The following EMC2 variants were observed in gnomAD, a reference collection of about 807,000 sequenced individuals.
EMC2 encodes the protein TPR repeat protein 35.
Under a neutral mutation model 51.6 loss-of-function variants are expected in EMC2, and 37 were observed. The ratio of observed to expected loss-of-function variants is 0.72; its 90% CI spans 0.55 to 0.94. The LOEUF is 0.94. Ranked by LOEUF, EMC2 falls within the 40% of genes least tolerant of loss-of-function variation. The pLI, the probability that EMC2 is intolerant of heterozygous loss-of-function variation, is 0.00. For synonymous variants in EMC2, 131 were observed against 112.4 expected, an observed-to-expected ratio of 1.17 and a Z score of -1.04; for missense variants, 359 against 350.9, an observed-to-expected ratio of 1.02 and a Z score of -0.18.
Position 108,486,791 on chromosome 8 carries a change from A to G in EMC2, c.*193A>G, listed in dbSNP as rs914817494. The G allele has an allele frequency of 1.1e-4, 51 of 469,986 alleles. No individual in the cohort carries two copies. Among genetic ancestry groups the G allele is most frequent in the Non-Finnish European group, 1.7e-4 (47 of 274,710 alleles). The allele number at this position is 469,986 out of a possible 1,614,324, so 29.1% of individuals were successfully genotyped here. On this transcript the variant is annotated 3_prime_UTR_variant, in exon 11 of 11. Coordinates refer to ENST00000220853, the MANE Select transcript of EMC2 (RefSeq NM_014673.5). ...CTAAGTGGGGAGATGGGGGAAATCC[A>G]TGGAAGAGAGATTTAAGACTTATTG...
chr8:108,467,593 G>T (rs1810756116), intron 5 of EMC2, among the ~76,000 whole-genome samples: 1 of 152,106 alleles, frequency 6.6e-6, no homozygotes, highest in Non-Finnish European at 1.5e-5. Flanking sequence ...TTTTTGTAGA[G>T]ACAGGGTCTC....
At chr8:108,445,660 GTATTC>G (rs943599753) in intron 1 of EMC2, among the ~76,000 whole-genome samples, 3 of 151,258 alleles carry the variant, frequency 2.0e-5, no homozygotes, top group African/African-American at 7.3e-5. Flanking sequence ...CTTCGATTAT[GTATTC>G]TATTCTAATA....
rs541935628 is a variant in EMC2 at position 108,447,779 on chromosome 8, T to C, written c.41-2044T>C. On this transcript the variant is annotated intron_variant, in intron 1 of 10. Coordinates refer to ENST00000220853, the MANE Select transcript of EMC2 (RefSeq NM_014673.5). ...GCAAGCAGTGAGAAGCTTACTTACA[T>C]AGTATGTAATAAAATGACCTTGGCT... 4.6e-5 allele frequency among the ~76,000 whole-genome samples: 7 copies of C among 152,208 alleles called. No homozygotes were observed. The South Asian group carries it at 1.2e-3, about 27-fold the overall frequency.
chr8:108,456,940 T>A (rs1486479423), intron 5 of EMC2, among the ~76,000 whole-genome samples: 2 of 152,214 alleles, frequency 1.3e-5, no homozygotes, highest in East Asian at 3.8e-4. Context: ...GGAGAAATTG[T>A]TGTATTAACA....
chr8:108,450,059 G>A, intron 2 of EMC2, 123 bp downstream of exon 2: 1 of 489,328 alleles, frequency 2.0e-6, no homozygotes, highest in Non-Finnish European at 3.6e-6. Flanking sequence ...GTGACTTTTT[G>A]TCCCAAGAAT....
At chr8:108,452,939 T>C (rs1819062693) in intron 3 of EMC2, 123 bp from the exon 4 acceptor site, 1 of 465,996 alleles carries the variant, frequency 2.1e-6, no homozygotes, top group South Asian at 5.3e-5. Context: ...TTAATTTCAC[T>C]TCATGTTATT....
In EMC2 at chr8:108,452,075, A is replaced by G. The variant is rs574973182; in HGVS notation, c.220-987A>G. 3.3e-5 allele frequency among the ~76,000 whole-genome samples: 5 copies of G among 152,314 alleles called. No individual in the cohort carries two copies. In the East Asian group the frequency reaches 9.6e-4, roughly 29 times the overall value. ...TAATATGCTTCAGTGGACTATTTGT[A>G]TCATCTTTAACATTTCTAGGACTTC... On this transcript the variant is annotated intron_variant, in intron 3 of 10. Transcript: ENST00000220853.
chr8:108,449,909 G>T lies in EMC2; in HGVS notation c.127G>T (p.Glu43Ter). 3.2e-6 allele frequency: 5 copies of T among 1,573,714 alleles called. No individual in the cohort carries two copies. The highest frequency in any genetic ancestry group is 3.5e-6 in the Non-Finnish European group (4 of 1,144,474). Residue 43 changes from glutamate (E) to a stop codon, truncating the protein, a stop_gained, in exon 2 of 11, where the codon GAA becomes TAA. Transcript: ENST00000220853. LOFTEE classifies it high-confidence loss of function. ...GGAAGTTGGAGAAGAATTAATTAAT[G>T]AATATGCTTCTAAGCTGGGAGATGA... ...IVEVGEELINEYASKLGDDIW... is the reference protein window; with the variant it reads ...IVEVGEELIN
At chr8:108,459,725 T>C (rs62540839) in intron 5 of EMC2, among the ~76,000 whole-genome samples, 1 of 74,636 alleles carries the variant, frequency 1.3e-5, no homozygotes, top group East Asian at 3.1e-4. Flanking sequence ...AGAGAGAGTG[T>C]GTGTGTGTGT....
rs565206475 is a variant in EMC2, at chr8:108,487,923, A to T, written c.*1325A>T. On this transcript the variant is annotated 3_prime_UTR_variant, in exon 11 of 11. Coordinates refer to ENST00000220853, the MANE Select transcript of EMC2 (RefSeq NM_014673.5). ...TCTTCTCATCTGAAGGTAATTCTCT[A>T]CTAATCTTTATTACCACAAAGATCC... 6.6e-6 allele frequency among the ~76,000 whole-genome samples: 1 copy of T among 152,266 alleles called. No homozygotes were observed. The highest frequency in any genetic ancestry group is 2.1e-4 in the South Asian group (1 of 4,826).
At chr8:108,471,287 A>G (rs1810851493) in intron 7 of EMC2, among the ~76,000 whole-genome samples, 1 of 151,978 alleles carries the variant, frequency 6.6e-6, no homozygotes, top group African/African-American at 2.4e-5. Context: ...TATAGTAAAA[A>G]TAATTAGCAT....
At position 108,486,655 on chromosome 8, in the gene EMC2, C is replaced by A; in HGVS notation, c.*57C>A. 1 of 1,502,178 alleles carries A rather than the reference C, an allele frequency of 6.7e-7. No homozygotes were observed. Among genetic ancestry groups the A allele is most frequent in the Non-Finnish European group, 9.0e-7 (1 of 1,115,522 alleles). The allele number at this position is 1,502,178 out of a possible 1,614,324, so 93.1% of individuals were successfully genotyped here. ...CAACTGCACAATTGAACTTATTGGC[C>A]TGTAACTTATTTACTAAATGCTCAG... On this transcript the variant is annotated 3_prime_UTR_variant, in exon 11 of 11. Coordinates refer to ENST00000220853, the MANE Select transcript of EMC2 (RefSeq NM_014673.5).
chr8:108,456,968 GT>G (rs1185088122), intron 5 of EMC2, among the ~76,000 whole-genome samples: 2 of 152,016 alleles, frequency 1.3e-5, no homozygotes, highest in African/African-American at 2.4e-5. Context: ...GATACATGAA[GT>G]TTCTCTCTTA....
intron 1 of EMC2, among the ~76,000 whole-genome samples, chr8:108,448,068 G>C (rs1230998404): frequency 6.6e-6 from 1 of 151,958 alleles, no homozygotes; most frequent in Non-Finnish European, 1.5e-5. Flanking sequence ...AGACAATAGT[G>C]GTGCCTGTGA....
chr8:108,443,774 G>T, intron 1 of EMC2, 76 bp downstream of exon 1: 4 of 1,324,160 alleles, frequency 3.0e-6, no homozygotes, highest in Non-Finnish European at 4.3e-6. Flanking sequence ...CTGCTTTCGG[G>T]GAGCTGGGTT....
chr8:108,468,858 C>T (rs981020), intron 5 of EMC2, among the ~76,000 whole-genome samples: 10,305 of 152,208 alleles, frequency 0.068, 1,160 homozygotes, highest in African/African-American at 0.23. Context: ...TGACTGTTTA[C>T]TTCAGCCAGT....
At chr8:108,451,620 T>C (rs1395215917) in intron 3 of EMC2, among the ~76,000 whole-genome samples, 1 of 151,766 alleles carries the variant, frequency 6.6e-6, no homozygotes, top group Non-Finnish European at 1.5e-5. Flanking sequence ...AAACCTTTGT[T>C]GGATTACCTT....
chr8:108,456,332 C>CAAAAAAAAAAAAAA (rs869162246), intron 5 of EMC2, among the ~76,000 whole-genome samples: 4 of 23,600 alleles, frequency 1.7e-4, no homozygotes, highest in African/African-American at 7.6e-4. Flanking sequence ...GACTTCGTGT[C>CAAAAAAAAAAAAAA]AAAAAAAAAA....
chr8:108,447,656 G>T (rs1388308424), intron 1 of EMC2, among the ~76,000 whole-genome samples: 1 of 152,102 alleles, frequency 6.6e-6, no homozygotes, highest in Non-Finnish European at 1.5e-5. Context: ...CATGCAAGTT[G>T]TCATGGAAGG....
Sources: gnomAD v4.1 joint callset for allele counts (sites outside exome capture counted in the v4.1 genomes callset) on GRCh38, gnomAD v4.1.1 for gene constraint, MANE v1.5 for transcripts, NCBI Gene and HGNC (gene_info 2026-07-23, HGNC 2026-07-21) for gene names.